CSMD1: variants seen among roughly 807,000 people sequenced by gnomAD.
The protein encoded by CSMD1 is CUB and Sushi multiple domains 1.
In CSMD1, 213 loss-of-function variants were observed where a neutral mutation model predicts 417.5. That is an observed-to-expected ratio of 0.51 (90% CI 0.46 to 0.57). The LOEUF (loss-of-function observed/expected upper bound fraction) is 0.57. Ranked by LOEUF, CSMD1 falls within the 20% of genes least tolerant of loss-of-function variation. The probability of loss-of-function intolerance (pLI) is 0.00; values close to 1 mark genes in which losing one functional copy is unlikely to be tolerated. For missense variants in CSMD1, 6,923 were observed against 4,529.7 expected (o/e 1.53, Z -15.17); for synonymous variants, 2,862 against 1,736.8 (o/e 1.65, Z -16.11).
chr8:4,006,150 T>A (rs971916807), intron 4 of CSMD1, among the ~76,000 whole-genome samples: 1 of 152,220 alleles, frequency 6.6e-6, no homozygotes, highest in East Asian at 1.9e-4. Flanking sequence ...AGATGATTTA[T>A]GTACTGCAAA....
chr8:3,541,584 A>G (rs1377508017), intron 10 of CSMD1, among the ~76,000 whole-genome samples: 1 of 149,012 alleles, frequency 6.7e-6, no homozygotes, highest in East Asian at 1.9e-4. Context: ...AAAAAATAAA[A>G]TAAAAATAAA....
chr8:3,752,942 T>C (rs767580333), intron 6 of CSMD1, among the ~76,000 whole-genome samples: 14 of 152,186 alleles, frequency 9.2e-5, no homozygotes, highest in Non-Finnish European at 1.8e-4. Context: ...TAGACCAGTT[T>C]GTTGAAAAAT....
At chr8:4,376,718 C>T (rs1028058613) in intron 3 of CSMD1, among the ~76,000 whole-genome samples, 1 of 152,200 alleles carries the variant, frequency 6.6e-6, no homozygotes, top group Non-Finnish European at 1.5e-5. Context: ...AAACTGATTG[C>T]ATTTTAACTT....
intron 1 of CSMD1, among the ~76,000 whole-genome samples, chr8:4,933,003 A>G (rs55758159): frequency 0.31 from 47,380 of 152,126 alleles, 8,355 homozygotes; most frequent in Non-Finnish European, 0.41. Context: ...CTTACAATAA[A>G]CATTTCTCTT....
chr8:4,382,751 A>G (rs1322068479), intron 3 of CSMD1, among the ~76,000 whole-genome samples: 1 of 152,248 alleles, frequency 6.6e-6, no homozygotes, highest in Non-Finnish European at 1.5e-5. Flanking sequence ...GTCCATAAAC[A>G]TTCTGTGTCT....
intron 3 of CSMD1, among the ~76,000 whole-genome samples, chr8:4,353,868 A>G (rs1584945930): frequency 6.6e-6 from 1 of 152,168 alleles, no homozygotes; most frequent in African/African-American, 2.4e-5. Context: ...CATCTGGTTT[A>G]CAGCAATAGT....
intron 5 of CSMD1, among the ~76,000 whole-genome samples, chr8:3,958,559 A>G (rs1996896): frequency 0.47 from 71,466 of 152,046 alleles, 17,453 homozygotes; most frequent in East Asian, 0.79. Context: ...TGAGGTATCA[A>G]TTTACTCATT....
chr8:4,893,902 G>C lies in CSMD1; in HGVS notation c.85+100430C>G, dbSNP rs186803322. ...GAAAAAAATCTATTTAACCAAGGGG[G>C]CGGGGCAATGTCTTTTTCGCAAAAT... On this transcript the variant is annotated intron_variant, in intron 1 of 69. Transcript: ENST00000635120. Among the ~76,000 whole-genome samples, 3 of 152,048 alleles carry C rather than the reference G, an allele frequency of 2.0e-5. 1 individual carries two copies. The highest frequency in any genetic ancestry group is 7.3e-5 in the African/African-American group (3 of 41,346).
chr8:4,357,092 G>A (rs953848350), intron 3 of CSMD1, among the ~76,000 whole-genome samples: 3 of 152,158 alleles, frequency 2.0e-5, no homozygotes, highest in South Asian at 4.1e-4. Flanking sequence ...ATAATACTGT[G>A]TTATGTATTA....
chr8:4,872,600 A>G (rs1161308040), intron 1 of CSMD1, among the ~76,000 whole-genome samples: 1 of 152,052 alleles, frequency 6.6e-6, no homozygotes, highest in Non-Finnish European at 1.5e-5. Context: ...TTTATAAATT[A>G]CCCAGTCTCA....
At chr8:4,062,671 C>T (rs577623281) in intron 3 of CSMD1, among the ~76,000 whole-genome samples, 9 of 151,932 alleles carry the variant, frequency 5.9e-5, no homozygotes, top group Admixed American at 2.0e-4. Context: ...ACACAGATTC[C>T]TTGTGCAAGA....
intron 26 of CSMD1, among the ~76,000 whole-genome samples, chr8:3,263,107 G>A (rs1371774256): frequency 6.6e-6 from 1 of 152,086 alleles, no homozygotes; most frequent in East Asian, 1.9e-4. Flanking sequence ...ATCATCAACT[G>A]TTATTTTTTT....
At chr8:4,070,267 C>A (rs1563082879) in intron 3 of CSMD1, among the ~76,000 whole-genome samples, 1 of 152,030 alleles carries the variant, frequency 6.6e-6, no homozygotes, top group Non-Finnish European at 1.5e-5. Context: ...AATTCAAACT[C>A]TAAAACATAA....
intron 3 of CSMD1, among the ~76,000 whole-genome samples, chr8:4,246,156 T>G (rs932686685): frequency 6.6e-6 from 1 of 152,202 alleles, no homozygotes. Context: ...ATTATTTTCC[T>G]GATCCCCTCT....
intron 1 of CSMD1, among the ~76,000 whole-genome samples, chr8:4,833,142 A>G (rs1319720602): frequency 6.6e-6 from 1 of 152,194 alleles, no homozygotes; most frequent in Non-Finnish European, 1.5e-5. Context: ...TAAAATTGAT[A>G]TCCACTGTAT....
intron 11 of CSMD1, among the ~76,000 whole-genome samples, chr8:3,478,534 G>T (rs1038722569): frequency 2.6e-5 from 4 of 152,156 alleles, no homozygotes; most frequent in Non-Finnish European, 5.9e-5. Context: ...AGACAAGCTG[G>T]CCTGGGACCG....
chr8:4,067,260 T>A (rs1799300968), intron 3 of CSMD1, among the ~76,000 whole-genome samples: 1 of 152,224 alleles, frequency 6.6e-6, no homozygotes, highest in South Asian at 2.1e-4. Flanking sequence ...TTATGAAAAC[T>A]AAGAATCATA....
intron 3 of CSMD1, among the ~76,000 whole-genome samples, chr8:4,373,262 A>G (rs75765982): frequency 0.037 from 5,604 of 152,276 alleles, 335 homozygotes; most frequent in African/African-American, 0.13. Flanking sequence ...AAGGTATGAT[A>G]AGTAAATGTC....
intron 5 of CSMD1, among the ~76,000 whole-genome samples, chr8:3,972,105 A>G (rs980300371): frequency 6.6e-6 from 1 of 152,144 alleles, no homozygotes; most frequent in Non-Finnish European, 1.5e-5. Context: ...TCCTGGGCTC[A>G]AGAGATCCTC....
Sources: gnomAD v4.1 joint callset for allele counts (sites outside exome capture counted in the v4.1 genomes callset) on GRCh38, gnomAD v4.1.1 for gene constraint, MANE v1.5 for transcripts, NCBI Gene and HGNC (gene_info 2026-07-23, HGNC 2026-07-21) for gene names.